KCNK2: variants seen among roughly 807,000 people sequenced by gnomAD.
KCNK2 encodes potassium two pore domain channel subfamily K member 2.
In KCNK2, 21 loss-of-function variants were observed where a neutral mutation model predicts 40.5. That is an observed-to-expected ratio of 0.52 (90% CI 0.37 to 0.75). The LOEUF (loss-of-function observed/expected upper bound fraction) is 0.75. Ranked by LOEUF, KCNK2 falls within the 30% of genes least tolerant of loss-of-function variation. The pLI is 0.00. For synonymous variants in KCNK2, 191 were observed against 202.2 expected (o/e 0.94, Z 0.47); for missense variants, 399 against 531.6 (o/e 0.75, Z 2.45).
At chr1:215,085,667 A>G (rs1362745230) in intron 1 of KCNK2, among the ~76,000 whole-genome samples, 1 of 152,246 alleles carries the variant, frequency 6.6e-6, no homozygotes, top group East Asian at 1.9e-4. Context: ...CACAATGATT[A>G]GCAGTAACTT....
chr1:215,114,455 A>G (rs1003293126), intron 2 of KCNK2, among the ~76,000 whole-genome samples: 33 of 152,268 alleles, frequency 2.2e-4, no homozygotes, highest in African/African-American at 7.7e-4. Flanking sequence ...GTTGGCTCAA[A>G]AAAGGGCAAG....
chr1:215,042,135 T>C (rs1657590561), intron 1 of KCNK2, among the ~76,000 whole-genome samples: 1 of 152,178 alleles, frequency 6.6e-6, no homozygotes, highest in Non-Finnish European at 1.5e-5. Context: ...GTGGGAATTA[T>C]GGGAGCTGCA....
chr1:215,093,675 AC>A (rs1414776444), intron 2 of KCNK2, among the ~76,000 whole-genome samples: 8 of 99,280 alleles, frequency 8.1e-5, no homozygotes, highest in South Asian at 2.7e-4. Context: ...TATAGAATAT[AC>A]ATATATAATA....
chr1:215,029,540 C>A (rs1657112541), intron 1 of KCNK2, among the ~76,000 whole-genome samples: 9 of 141,068 alleles, frequency 6.4e-5, no homozygotes, highest in South Asian at 2.3e-4. Flanking sequence ...ATAAATATAT[C>A]CAAATATATC....
intron 5 of KCNK2, among the ~76,000 whole-genome samples, chr1:215,192,979 C>A (rs1664726977): frequency 6.6e-6 from 1 of 151,944 alleles, no homozygotes; most frequent in Non-Finnish European, 1.5e-5. Flanking sequence ...AATTTAATTT[C>A]TCTACAATAA....
chr1:215,226,412 G>A (rs558320542), intron 6 of KCNK2, among the ~76,000 whole-genome samples: 2 of 152,124 alleles, frequency 1.3e-5, no homozygotes, highest in African/African-American at 2.4e-5. Context: ...TGTAACCTCC[G>A]CCTCCCGGGT....
chr1:215,209,295 A>AAT lies in KCNK2; in HGVS notation c.963+14210_963+14211dup, dbSNP rs540677984. ...ATAAATATACACATATTTTATATAT[A>AAT]ATATATATTATATATATGAAATATA... On this transcript the variant is annotated intron_variant, in intron 6 of 6. Transcript: ENST00000444842. Among the ~76,000 whole-genome samples, 47 of 97,924 alleles carry AAT rather than the reference A, an allele frequency of 4.8e-4. 2 individuals carry two copies. The highest frequency in any genetic ancestry group is 2.0e-3 in the African/African-American group (46 of 23,148). The allele number at this position is 97,924 out of a possible 152,430, so 64.2% of individuals were successfully genotyped here.
At chr1:215,194,802 T>C (rs1664797199) in intron 5 of KCNK2, 151 bp from the exon 6 acceptor site, 1 of 573,688 alleles carries the variant, frequency 1.7e-6, no homozygotes, top group African/African-American at 1.9e-5. Flanking sequence ...AAGGAGAAAT[T>C]CAAAATGAAG....
chr1:215,207,173 C>T (rs576895334), intron 6 of KCNK2, among the ~76,000 whole-genome samples: 3 of 152,322 alleles, frequency 2.0e-5, no homozygotes, highest in South Asian at 2.1e-4. Context: ...AAGACCAGTA[C>T]TGGTCCATGG....
intron 1 of KCNK2, among the ~76,000 whole-genome samples, chr1:215,017,763 A>G (rs1169939923): frequency 6.6e-6 from 1 of 152,244 alleles, no homozygotes; most frequent in Non-Finnish European, 1.5e-5. Context: ...GGTAACGCAT[A>G]CATTAATTAT....
intron 1 of KCNK2, among the ~76,000 whole-genome samples, chr1:215,011,813 G>A (rs540985003): frequency 6.0e-5 from 9 of 150,462 alleles, no homozygotes; most frequent in Non-Finnish European, 1.3e-4. Flanking sequence ...TCACCATGTT[G>A]GTCAGGATGG....
chr1:215,032,787 C>T lies in KCNK2; in HGVS notation c.34+26832C>T, dbSNP rs112263182. Reference sequence around the variant, plus strand: ...TCTGTAGGTAAGGTGTTCTTTTTCCCTCTATCCTCTCTAAGAATTTTTTCT... The same window carrying T: ...TCTGTAGGTAAGGTGTTCTTTTTCCTTCTATCCTCTCTAAGAATTTTTTCT... On this transcript the variant is annotated intron_variant, in intron 1 of 6. Coordinates refer to the KCNK2 transcript ENST00000391895. 8.2e-3 allele frequency among the ~76,000 whole-genome samples: 1,248 copies of T among 152,066 alleles called. 17 individuals carry two copies. The highest frequency in any genetic ancestry group is 0.028 in the African/African-American group (1,175 of 41,496).
intron 6 of KCNK2, among the ~76,000 whole-genome samples, chr1:215,209,461 T>TATATATAAGATATATA (rs1665509526): frequency 4.5e-4 from 1 of 2,234 alleles, no homozygotes; most frequent in Non-Finnish European, 1.5e-3. Flanking sequence ...TATTATATAT[T>TATATATAAGATATATA]ATATATAATA....
At chr1:215,141,803 A>AT (rs1203433486) in intron 3 of KCNK2, among the ~76,000 whole-genome samples, 1 of 151,956 alleles carries the variant, frequency 6.6e-6, no homozygotes, top group African/African-American at 2.4e-5. Context: ...TGCTGTTTTC[A>AT]TTTTTTAAGA....
At chr1:215,212,998 A>G (rs1665801196) in intron 6 of KCNK2, among the ~76,000 whole-genome samples, 1 of 152,218 alleles carries the variant, frequency 6.6e-6, no homozygotes, top group Admixed American at 6.5e-5. Flanking sequence ...CTACACATAA[A>G]ACAAGTCAGT....
At chr1:215,056,499 CAAAAAAAAAAAA>C (rs376076606) in intron 1 of KCNK2, among the ~76,000 whole-genome samples, 1 of 55,176 alleles carries the variant, frequency 1.8e-5, no homozygotes, top group South Asian at 8.2e-4. Flanking sequence ...GACTCAGTCT[CAAAAAAAAAAAA>C]AAAAAAAAAA....
rs1280087520 is a variant in KCNK2, at chr1:215,042,610, T to A, written c.34+36655T>A. Among the ~76,000 whole-genome samples the A allele has an allele frequency of 2.6e-5, 4 of 152,316 alleles. No individual in the cohort carries two copies. The East Asian group carries it at 7.7e-4, about 29-fold the overall frequency. ...AAGAGTAGAAAGAACAAACACTCTG[T>A]TTTTACAATCACATTTTAAAATTTC... On this transcript the variant is annotated intron_variant, in intron 1 of 6. Transcript: ENST00000391895.
chr1:215,164,869 T>A (rs985464259), intron 3 of KCNK2, among the ~76,000 whole-genome samples: 1 of 152,194 alleles, frequency 6.6e-6, no homozygotes, highest in Non-Finnish European at 1.5e-5. Flanking sequence ...CAGGTCTGTC[T>A]ACTTCATAGC....
Position 215,234,999 on chromosome 1 carries a change from C to T in KCNK2, c.1135C>T (p.Pro379Ser), listed in dbSNP as rs773255092. The T allele has an allele frequency of 6.2e-7, 1 of 1,614,046 alleles. No homozygotes were observed. The highest frequency in any genetic ancestry group is 8.5e-7 in the Non-Finnish European group (1 of 1,179,992). ...TGGAAACCACAATCAGGAGCTGACTCCTTGTAGGAGGACCCTGTCAGTGAA... is the reference window on the plus strand; with the variant it reads ...TGGAAACCACAATCAGGAGCTGACTTCTTGTAGGAGGACCCTGTCAGTGAA... The part of the protein sequence containing the change: ...LAGNHNQELT[P>S]CRRTLSVNHL... The change falls in exon 7 of 7, where the codon CCT becomes TCT. Residue 379 changes from proline (P) to serine (S), a missense_variant. Coordinates refer to ENST00000444842, the MANE Select transcript of KCNK2 (RefSeq NM_001017425.3).
Sources: allele counts gnomAD v4.1 joint callset (sites outside exome capture counted in the v4.1 genomes callset), GRCh38; gene constraint gnomAD v4.1.1; transcripts MANE v1.5; gene names NCBI Gene and HGNC (gene_info 2026-07-23, HGNC 2026-07-21).